PPP1R37: variants seen among roughly 807,000 people sequenced by gnomAD.
PPP1R37 encodes protein phosphatase 1 regulatory subunit 37, also known as leucine rich repeat containing 68.
In PPP1R37, 21 loss-of-function variants were observed where a neutral mutation model predicts 61.0. The observed-to-expected ratio is 0.34, with a 90% CI of 0.24 to 0.50. PPP1R37 has a LOEUF of 0.50. Among genes scored for constraint, PPP1R37 ranks in the 20% least tolerant of loss-of-function variants. The pLI, the probability that PPP1R37 is intolerant of heterozygous loss-of-function variation, is 0.98. For synonymous variants in PPP1R37, 443 were observed against 433.5 expected (o/e 1.02, Z -0.27); for missense variants, 910 against 952.7 (o/e 0.96, Z 0.59).
chr19:45,116,630 A>C (rs1343190402), intron 1 of PPP1R37, among the ~76,000 whole-genome samples: 1 of 152,194 alleles, frequency 6.6e-6, no homozygotes, highest in Non-Finnish European at 1.5e-5. Flanking sequence ...CCTTCCCTCC[A>C]GCCCGTGGTT....
intron 1 of PPP1R37, among the ~76,000 whole-genome samples, chr19:45,128,281 C>T (rs1040494931): frequency 7.9e-5 from 12 of 152,122 alleles, no homozygotes; most frequent in Non-Finnish European, 1.2e-4. Flanking sequence ...CCAGGCCAGC[C>T]GACAGAGTTT....
intron 8 of PPP1R37, 132 bp from the exon 9 acceptor site, chr19:45,144,722 T>C: frequency 1.4e-6 from 1 of 732,186 alleles, no homozygotes; most frequent in Non-Finnish European, 2.1e-6. Flanking sequence ...ACGGCGCCGG[T>C]GTTCACGCAG....
Position 45,145,088 on chromosome 19 carries a change from C to T in PPP1R37, c.1130-6C>T, listed in dbSNP as rs1192184391. On this transcript the variant is annotated splice_polypyrimidine_tract_variant and splice_region_variant and intron_variant, in intron 9 of 12. Coordinates refer to ENST00000221462, the MANE Select transcript of PPP1R37 (RefSeq NM_019121.2). ...CCCGTGGCCAGCCCCTGCGGTGCCC[C>T]CCCAGGCGCGGTGGCGGTGGCGGAG... is the stretch of plus-strand genomic sequence containing the variant. The T allele has an allele frequency of 2.6e-6, 4 of 1,532,218 alleles. No homozygotes were observed. The South Asian group carries it at 4.8e-5, about 18-fold the overall frequency. 94.9% of individuals were successfully genotyped at this position (1,532,218 alleles called of 1,614,324 possible).
intron 1 of PPP1R37, among the ~76,000 whole-genome samples, chr19:45,115,686 A>C (rs1458646705): frequency 6.6e-6 from 1 of 152,192 alleles, no homozygotes; most frequent in Non-Finnish European, 1.5e-5. Context: ...TTATCGTTAA[A>C]AGTTGCGGCC....
Position 45,093,230 on chromosome 19 carries a change from C to A in PPP1R37, c.-96C>A. On this transcript the variant is annotated 5_prime_UTR_variant, in exon 1 of 13. Transcript: ENST00000221462. ...ACGGAGGCGGCGCCTGAAGCGGCGGCGGAGCCCATGCCCCGGGACGGCGGG... is the reference window on the plus strand; with the variant it reads ...ACGGAGGCGGCGCCTGAAGCGGCGGAGGAGCCCATGCCCCGGGACGGCGGG... The A allele has an allele frequency of 9.9e-7, 1 of 1,012,242 alleles. No individual in the cohort carries two copies. Among genetic ancestry groups the A allele is most frequent in the Non-Finnish European group, 1.3e-6 (1 of 763,714 alleles). The allele number at this position is 1,012,242 out of a possible 1,614,324, so 62.7% of individuals were successfully genotyped here. A position where few individuals can be genotyped will look rare whatever the true frequency, so the allele number is the denominator to read the frequency against.
At chr19:45,137,371 G>T (rs913130260) in intron 1 of PPP1R37, among the ~76,000 whole-genome samples, 1 of 152,350 alleles carries the variant, frequency 6.6e-6, no homozygotes, top group East Asian at 1.9e-4. Flanking sequence ...GAAGCCAACC[G>T]CAGAAGGCCA....
At chr19:45,128,966 C>G in intron 1 of PPP1R37, 1 of 787,776 alleles carries the variant, frequency 1.3e-6, no homozygotes, top group Non-Finnish European at 2.2e-6. Flanking sequence ...GAGAAGGGAC[C>G]CTGATCACCG....
chr19:45,095,750 C>T (rs976021009), intron 1 of PPP1R37, among the ~76,000 whole-genome samples: 6 of 142,924 alleles, frequency 4.2e-5, no homozygotes, highest in Admixed American at 6.9e-5. Context: ...GTGACAGAGA[C>T]CCGGTCTTAA....
At position 45,144,858 on chromosome 19, in the gene PPP1R37, A is replaced by G. The variant is rs978088193; in HGVS notation, c.992A>G (p.His331Arg). ...CCTCACACCCCCTCCCTCCAGCCGC[A>G]CACTCAGAGCCTGGAGACGCTGAAC... ...GMAFLGMTLP[H>R]TQSLETLNLG... is the part of the protein sequence containing the mutation. The change falls in exon 9 of 13, where the codon CAC becomes CGC. Residue 331 changes from histidine to arginine, a missense_variant. By Grantham distance (29) the His-to-Arg change is conservative (BLOSUM62 0). This residue lies in a region of PPP1R37 where 549 missense variants were observed against 505.1 expected (regional missense o/e 1.09). Coordinates refer to ENST00000221462, the MANE Select transcript of PPP1R37 (RefSeq NM_019121.2). The G allele has an allele frequency of 4.6e-6, 7 of 1,529,046 alleles. No individual in the cohort carries two copies. The highest frequency in any genetic ancestry group is 2.8e-5 in the African/African-American group (2 of 72,586). The allele number at this position is 1,529,046 out of a possible 1,614,324, so 94.7% of individuals were successfully genotyped here.
At chr19:45,135,034 G>A (rs970597736) in intron 1 of PPP1R37, among the ~76,000 whole-genome samples, 3 of 152,186 alleles carry the variant, frequency 2.0e-5, no homozygotes, top group African/African-American at 4.8e-5. Flanking sequence ...CAGATCATGC[G>A]GTCAGGAGTT....
rs138808347 is a variant in PPP1R37, at chr19:45,106,568, C to T, written c.202+13041C>T. Among the ~76,000 whole-genome samples the T allele has an allele frequency of 4.5e-3, 680 of 151,246 alleles. 6 individuals carry two copies. The highest frequency in any genetic ancestry group is 0.016 in the African/African-American group (647 of 41,234). ...CTGTTTGTTTTGAGATGAGGTCTTC[C>T]TCTGTCGCCCAGGCTGGAGTGCAGT... On this transcript the variant is annotated intron_variant, in intron 1 of 12. Transcript: ENST00000221462.
chr19:45,100,107 A>T (rs1968043738), intron 1 of PPP1R37: 3 of 152,244 alleles, frequency 2.0e-5, no homozygotes, highest in Admixed American at 6.5e-5. Context: ...GTCACTGAGC[A>T]CGGAGGCCAG....
chr19:45,139,773 C>T (rs1187920154), intron 2 of PPP1R37, among the ~76,000 whole-genome samples: 2 of 152,264 alleles, frequency 1.3e-5, no homozygotes, highest in Non-Finnish European at 2.9e-5. Context: ...TGTGTGTAAG[C>T]TCAGAGCGCG....
intron 1 of PPP1R37, among the ~76,000 whole-genome samples, chr19:45,111,149 C>T (rs1472935468): frequency 1.3e-5 from 2 of 152,212 alleles, no homozygotes; most frequent in African/African-American, 4.8e-5. Context: ...TCATTTGACC[C>T]TGACAGTGAT....
At chr19:45,103,311 C>T (rs1968087373) in intron 1 of PPP1R37, among the ~76,000 whole-genome samples, 1 of 152,228 alleles carries the variant, frequency 6.6e-6, no homozygotes, top group African/African-American at 2.4e-5. Context: ...GCCCAGCGCC[C>T]ATCTCACTTC....
At chr19:45,101,947 A>T (rs1019747766) in intron 1 of PPP1R37, among the ~76,000 whole-genome samples, 2 of 152,156 alleles carry the variant, frequency 1.3e-5, no homozygotes, top group East Asian at 3.9e-4. Context: ...TGCCGATGCC[A>T]CTGTTTCCCA....
chr19:45,141,247 C>T, intron 4 of PPP1R37, 75 bp from the exon 5 acceptor site: 1 of 1,446,628 alleles, frequency 6.9e-7, no homozygotes, highest in Non-Finnish European at 9.1e-7. Context: ...CTCGGTGGGG[C>T]CCGGTGTCAG....
At chr19:45,142,917 G>A (rs1968632957) in intron 7 of PPP1R37, 1 of 183,122 alleles carries the variant, frequency 5.5e-6, no homozygotes, top group Admixed American at 5.5e-5. Context: ...CAGACCGCGG[G>A]AGCAGTGAGT....
chr19:45,119,495 T>C (rs563618315), intron 1 of PPP1R37, among the ~76,000 whole-genome samples: 4 of 152,212 alleles, frequency 2.6e-5, no homozygotes, highest in Admixed American at 1.3e-4. Context: ...CACAAGAAAG[T>C]AGGAGTATAA....
Sources: gnomAD v4.1 joint callset for allele counts (sites outside exome capture counted in the v4.1 genomes callset) on GRCh38, gnomAD v4.1.1 for gene constraint, gnomAD v4.1.1 regional missense constraint, MANE v1.5 for transcripts, NCBI Gene and HGNC (gene_info 2026-07-23, HGNC 2026-07-21) for gene names.